SGCD: variants seen among roughly 807,000 people sequenced by gnomAD.
The protein encoded by SGCD is sarcoglycan delta.
Under a neutral mutation model 36.6 loss-of-function variants are expected in SGCD, and 18 were observed. The ratio of observed to expected loss-of-function variants is 0.49; its 90% CI spans 0.34 to 0.73. The LOEUF is 0.73. Ranked by LOEUF, SGCD falls within the 30% of genes least tolerant of loss-of-function variation. The probability of loss-of-function intolerance (pLI) is 0.01; values close to 1 mark genes in which losing one functional copy is unlikely to be tolerated. For synonymous variants in SGCD, 133 were observed against 130.6 expected (o/e 1.02, Z -0.12); for missense variants, 387 against 346.7 (o/e 1.12, Z -0.92).
chr5:156,433,567 C>T (rs941480708), intron 3 of SGCD, among the ~76,000 whole-genome samples: 3 of 152,156 alleles, frequency 2.0e-5, no homozygotes, highest in African/African-American at 7.2e-5. Flanking sequence ...GATTCCTGCC[C>T]TACTACCTGT....
chr5:156,184,599 G>T (rs775930408), intron 3 of SGCD, among the ~76,000 whole-genome samples: 15 of 152,144 alleles, frequency 9.9e-5, no homozygotes, highest in Non-Finnish European at 1.9e-4. Flanking sequence ...AAAGTAAGGA[G>T]TGTATTTCTT....
At chr5:156,756,290 T>C (rs761160218) in intron 7 of SGCD, among the ~76,000 whole-genome samples, 2 of 152,212 alleles carry the variant, frequency 1.3e-5, no homozygotes, top group Non-Finnish European at 2.9e-5. Context: ...TTCACGCTTG[T>C]AATCCCAGCA....
chr5:155,767,290 A>T, the SGCD span, among the ~76,000 whole-genome samples: 1 of 152,194 alleles, frequency 6.6e-6, no homozygotes, highest in Non-Finnish European at 1.5e-5. Context: ...TGAGGAAGAC[A>T]TGTCAGTTGC....
chr5:156,397,712 C>G (rs554013600), intron 3 of SGCD, among the ~76,000 whole-genome samples: 1 of 152,170 alleles, frequency 6.6e-6, no homozygotes, highest in African/African-American at 2.4e-5. Context: ...CTTAAATGTA[C>G]AAGTTAACCA....
At chr5:156,494,111 C>A (rs1756067737) in intron 3 of SGCD, among the ~76,000 whole-genome samples, 1 of 151,968 alleles carries the variant, frequency 6.6e-6, no homozygotes, top group African/African-American at 2.4e-5. Flanking sequence ...GGAGCTGGGG[C>A]CTGGAGGATG....
the SGCD span, among the ~76,000 whole-genome samples, chr5:155,782,509 A>G: frequency 6.6e-6 from 1 of 152,220 alleles, no homozygotes; most frequent in Non-Finnish European, 1.5e-5. Flanking sequence ...CATTATTAGT[A>G]GTAATTTCAG....
At chr5:155,773,937 GA>G in the SGCD span, among the ~76,000 whole-genome samples, 1 of 152,088 alleles carries the variant, frequency 6.6e-6, no homozygotes, top group East Asian at 1.9e-4. Flanking sequence ...GGGGGAGCAT[GA>G]AACTGTCTCC....
chr5:156,482,490 G>A (rs1436173600), intron 3 of SGCD, among the ~76,000 whole-genome samples: 1 of 152,224 alleles, frequency 6.6e-6, no homozygotes, highest in Non-Finnish European at 1.5e-5. Flanking sequence ...TTGAAGAAAG[G>A]GTCATATGTT....
At chr5:156,257,648 G>A (rs1765749983) in intron 3 of SGCD, among the ~76,000 whole-genome samples, 1 of 152,094 alleles carries the variant, frequency 6.6e-6, no homozygotes, top group Non-Finnish European at 1.5e-5. Context: ...TGGGTCATTG[G>A]AGGTCAGGAG....
At chr5:155,895,118 G>A (rs2113325402) in intron 1 of SGCD, among the ~76,000 whole-genome samples, 1 of 152,246 alleles carries the variant, frequency 6.6e-6, no homozygotes, top group Non-Finnish European at 1.5e-5. Flanking sequence ...CAGCTACAGG[G>A]GCTACAAGAC....
intron 7 of SGCD, among the ~76,000 whole-genome samples, chr5:156,730,274 C>A (rs1561881588): frequency 6.6e-6 from 1 of 152,098 alleles, no homozygotes; most frequent in Non-Finnish European, 1.5e-5. Flanking sequence ...AGGTTTGTTA[C>A]ATAGGTAAAC....
At chr5:156,332,030 T>C (rs543891844) in intron 2 of SGCD, among the ~76,000 whole-genome samples, 1 of 152,358 alleles carries the variant, frequency 6.6e-6, no homozygotes, top group African/African-American at 2.4e-5. Flanking sequence ...CAGTGTGTGC[T>C]TACCAAAGTC....
intron 3 of SGCD, among the ~76,000 whole-genome samples, chr5:156,180,912 G>A (rs1763591328): frequency 6.6e-6 from 1 of 152,196 alleles, no homozygotes; most frequent in Non-Finnish European, 1.5e-5. Context: ...TTAAAAATTT[G>A]TCTGGATGTG....
intron 4 of SGCD, among the ~76,000 whole-genome samples, chr5:156,553,909 C>A (rs1211303846): frequency 1.3e-5 from 2 of 152,138 alleles, no homozygotes; most frequent in African/African-American, 4.8e-5. Flanking sequence ...AGCAATGCTA[C>A]AATGAAGATT....
chr5:155,902,004 T>C (rs997431638), intron 1 of SGCD, among the ~76,000 whole-genome samples: 2 of 152,182 alleles, frequency 1.3e-5, no homozygotes, highest in African/African-American at 4.8e-5. Flanking sequence ...TGAGTTGATA[T>C]TTTAAAAATT....
At chr5:156,184,161 G>A (rs539430541) in intron 3 of SGCD, among the ~76,000 whole-genome samples, 2 of 152,126 alleles carry the variant, frequency 1.3e-5, no homozygotes, top group East Asian at 3.9e-4. Flanking sequence ...ATAATTCATT[G>A]AATACTATAC....
chr5:156,224,032 C>A, intron 3 of SGCD, among the ~76,000 whole-genome samples: 1 of 151,812 alleles, frequency 6.6e-6, no homozygotes, highest in South Asian at 2.1e-4. Context: ...GTTACAAATT[C>A]GTGTTAACAT....
At chr5:156,721,535 A>G (rs1210611634) in intron 7 of SGCD, among the ~76,000 whole-genome samples, 1 of 152,194 alleles carries the variant, frequency 6.6e-6, no homozygotes, top group Non-Finnish European at 1.5e-5. Context: ...AAAATCACCA[A>G]ATATTTAAAG....
At chr5:156,073,523 A>C (rs540645877) in intron 1 of SGCD, among the ~76,000 whole-genome samples, 1 of 152,218 alleles carries the variant, frequency 6.6e-6, no homozygotes, top group African/African-American at 2.4e-5. Context: ...TGGTTATGCC[A>C]CTGCACTCTA....
Sources: gnomAD v4.1 joint callset for allele counts (sites outside exome capture counted in the v4.1 genomes callset) on GRCh38, gnomAD v4.1.1 for gene constraint, MANE v1.5 for transcripts, NCBI Gene and HGNC (gene_info 2026-07-23, HGNC 2026-07-21) for gene names.